MAP4K4: variants seen among roughly 807,000 people sequenced by gnomAD.
MAP4K4 encodes the protein mitogen-activated protein kinase kinase kinase kinase 4, also known as HPK/GCK-like kinase HGK.
Under a neutral mutation model 189.6 loss-of-function variants are expected in MAP4K4, and 38 were observed. The observed-to-expected ratio is 0.20, with a 90% confidence interval of 0.15 to 0.26. MAP4K4 has a LOEUF of 0.26. MAP4K4 is among the 10% of genes least tolerant of loss of function. The probability of loss-of-function intolerance (pLI) is 1.00; values close to 1 mark genes in which losing one functional copy is unlikely to be tolerated. For synonymous variants in MAP4K4, 610 were observed against 624.3 expected, an observed-to-expected ratio of 0.98 and a Z score of 0.34; for missense variants, 1,054 against 1,726.9, an observed-to-expected ratio of 0.61 and a Z score of 6.91.
chr2:101,872,107 A>T (rs2098047678), intron 24 of MAP4K4, among the ~76,000 whole-genome samples: 2 of 151,798 alleles, frequency 1.3e-5, no homozygotes, highest in South Asian at 4.2e-4. Context: ...GCTTGGCCTT[A>T]TCTGGACAAA....
intron 3 of MAP4K4, among the ~76,000 whole-genome samples, chr2:101,803,291 GTGTC>G (rs1367565042): frequency 2.8e-5 from 4 of 142,416 alleles, no homozygotes; most frequent in East Asian, 3.9e-4. Flanking sequence ...GTTTGTGTGT[GTGTC>G]TGTCTGTGTC....
exon 33 of MAP4K4, chr2:101,893,788 T>C (rs2098597791): frequency 6.5e-6 from 1 of 153,778 alleles, no homozygotes; most frequent in Non-Finnish European, 1.4e-5. Flanking sequence ...CCATAGGTGG[T>C]AAAGGGGTCT....
chr2:101,819,851 A>G (rs1203797946), intron 3 of MAP4K4, among the ~76,000 whole-genome samples: 2 of 152,234 alleles, frequency 1.3e-5, no homozygotes, highest in Non-Finnish European at 2.9e-5. Context: ...TATGGTCGAC[A>G]GTGCTTCATG....
At position 101,698,143 on chromosome 2, in the gene MAP4K4, TGGGCCCGCGAGCGGGCGCGCGGGGAGC is replaced by T; in HGVS notation, c.57+11_57+37del. The stretch of plus-strand genomic sequence containing the variant: ...TCGACCTCTCCTCCCTGCGGGTGAG[TGGGCCCGCGAGCGGGCGCGCGGGGAGC>T]GGGCAGCCGGCAGCCGGCAGCCGGG... On this transcript the variant is annotated splice_region_variant and intron_variant, in intron 1 of 32. Transcript: ENST00000324219. 8.2e-7 allele frequency: 1 copy of T among 1,217,974 alleles called. No homozygotes were observed. Among genetic ancestry groups the T allele is most frequent in the African/African-American group, 1.6e-5 (1 of 62,114 alleles). 75.4% of individuals were successfully genotyped at this position (1,217,974 alleles called of 1,614,324 possible).
chr2:101,698,403 C>T, intron 1 of MAP4K4, 70 bp from the exon 2 acceptor site: 3 of 1,380,724 alleles, frequency 2.2e-6, no homozygotes, highest in Non-Finnish European at 3.1e-6. Context: ...TTCTCTCCAA[C>T]TGCCTTGCTT....
chr2:101,848,234 A>T (rs912229572), intron 12 of MAP4K4, among the ~76,000 whole-genome samples: 1 of 152,218 alleles, frequency 6.6e-6, no homozygotes, highest in African/African-American at 2.4e-5. Context: ...TGTAAATGCC[A>T]TGCAAATACC....
exon 17 of MAP4K4, chr2:101,863,965 A>C (rs776847776): frequency 7.3e-7 from 1 of 1,367,744 alleles, no homozygotes; most frequent in East Asian, 4.5e-5. Flanking sequence ...TGAGGTGCTC[A>C]GTCAGAGCTC....
intron 5 of MAP4K4, among the ~76,000 whole-genome samples, chr2:101,827,051 A>G (rs752961147): frequency 5.9e-5 from 9 of 152,116 alleles, no homozygotes; most frequent in Non-Finnish European, 1.3e-4. Context: ...CATCAAAGAC[A>G]ACTTACATGT....
chr2:101,737,864 T>C (rs1021094355), intron 2 of MAP4K4, among the ~76,000 whole-genome samples: 1 of 152,140 alleles, frequency 6.6e-6, no homozygotes, highest in Non-Finnish European at 1.5e-5. Context: ...TTTAACTTTC[T>C]CACCACACTT....
intron 6 of MAP4K4, 138 bp downstream of exon 6, chr2:101,829,732 C>T (rs769806027): frequency 3.1e-6 from 2 of 639,742 alleles, no homozygotes; most frequent in Non-Finnish European, 5.7e-6. Context: ...AATGTGGGAA[C>T]TGAGCATATT....
intron 3 of MAP4K4, among the ~76,000 whole-genome samples, chr2:101,816,026 CCCAGACTCAGTTCTG>C (rs1402136698): frequency 1.3e-5 from 2 of 152,150 alleles, no homozygotes; most frequent in African/African-American, 4.8e-5. Context: ...CTGTGGCCTC[CCCAGACTCAGTTCTG>C]TCTCCTCAAC....
At chr2:101,710,009 G>A (rs1159065722) in intron 2 of MAP4K4, among the ~76,000 whole-genome samples, 1 of 152,158 alleles carries the variant, frequency 6.6e-6, no homozygotes, top group Non-Finnish European at 1.5e-5. Context: ...ACAGAATACT[G>A]TTGACTACCA....
intron 2 of MAP4K4, among the ~76,000 whole-genome samples, chr2:101,699,443 A>C (rs1239615045): frequency 1.3e-5 from 2 of 152,208 alleles, no homozygotes; most frequent in African/African-American, 2.4e-5. Context: ...CGGAATGTTA[A>C]ATTTTTCCTG....
At chr2:101,704,415 A>G (rs2040789656) in intron 2 of MAP4K4, among the ~76,000 whole-genome samples, 1 of 151,726 alleles carries the variant, frequency 6.6e-6, no homozygotes, top group South Asian at 2.1e-4. Flanking sequence ...CCTGCTGATG[A>G]TGGGTTTTTA....
rs2075806193 is a variant in MAP4K4 at position 101,760,501 on chromosome 2, AAAAT to A, written c.124-30217_124-30214del. ...AGACTCCATCTCAAAAAAAAAAAAC[AAAAT>A]ATATATATATATATATATGTATATA... On this transcript the variant is annotated intron_variant, in intron 2 of 32. Coordinates refer to ENST00000324219, the Ensembl canonical transcript of MAP4K4. 7.4e-5 allele frequency among the ~76,000 whole-genome samples: 7 copies of A among 93,996 alleles called. No homozygotes were observed. In the East Asian group the frequency reaches 2.2e-3, roughly 29 times the overall value. The allele number at this position is 93,996 out of a possible 152,430, so 61.7% of individuals were successfully genotyped here. A position where few individuals can be genotyped will look rare whatever the true frequency, so the allele number is the denominator to read the frequency against.
chr2:101,791,803 C>T (rs2148820228), intron 3 of MAP4K4, among the ~76,000 whole-genome samples: 1 of 152,266 alleles, frequency 6.6e-6, no homozygotes, highest in Admixed American at 6.5e-5. Context: ...TGTCTCTGGA[C>T]CACAGGACAA....
At chr2:101,796,603 A>G (rs1307938994) in intron 3 of MAP4K4, among the ~76,000 whole-genome samples, 2 of 152,214 alleles carry the variant, frequency 1.3e-5, no homozygotes, top group Non-Finnish European at 2.9e-5. Context: ...TTGGATCTGA[A>G]CTTTAAAGGA....
chr2:101,805,127 AAGCATGC>A (rs2094800574), intron 3 of MAP4K4, among the ~76,000 whole-genome samples: 1 of 151,862 alleles, frequency 6.6e-6, no homozygotes, highest in Non-Finnish European at 1.5e-5. Flanking sequence ...TATTGAAGTG[AAGCATGC>A]ATACAGAAAA....
intron 2 of MAP4K4, among the ~76,000 whole-genome samples, chr2:101,781,946 A>G (rs552454497): frequency 2.6e-4 from 40 of 152,292 alleles, no homozygotes; most frequent in Middle Eastern, 3.4e-3. Flanking sequence ...AAATGACTGA[A>G]CAAGCATGCA....
Sources: gnomAD v4.1 joint callset for allele counts (sites outside exome capture counted in the v4.1 genomes callset) on GRCh38, gnomAD v4.1.1 for gene constraint, MANE v1.5 for transcripts, NCBI Gene and HGNC (gene_info 2026-07-23, HGNC 2026-07-21) for gene names.